The following ANO2 variants were observed in gnomAD, a reference collection of about 807,000 sequenced individuals.
The protein encoded by ANO2 is anoctamin 2.
A neutral mutation model predicts 124.2 loss-of-function variants in ANO2; 101 were observed. That is an observed-to-expected ratio of 0.81 (90% CI 0.69 to 0.96). The LOEUF (loss-of-function observed/expected upper bound fraction) is 0.96, where lower values mean the gene tolerates loss of function less well. Ranked by LOEUF, ANO2 falls within the 40% of genes least tolerant of loss-of-function variation. The pLI is 0.00. For synonymous variants in ANO2, 486 were observed against 482.5 expected (o/e 1.01, Z -0.09); for missense variants, 1,293 against 1,274.5 (o/e 1.01, Z -0.22).
At chr12:5,814,890 G>A (rs1028543476) in intron 7 of ANO2, among the ~76,000 whole-genome samples, 4 of 152,252 alleles carry the variant, frequency 2.6e-5, no homozygotes, top group Non-Finnish European at 4.4e-5. Flanking sequence ...TTCTAGCTGT[G>A]TGTATGCCAG....
intron 10 of ANO2, among the ~76,000 whole-genome samples, chr12:5,792,723 C>T (rs575714623): frequency 1.3e-5 from 2 of 152,302 alleles, no homozygotes; most frequent in African/African-American, 4.8e-5. Context: ...TTTCCTACAG[C>T]CTCACAGCTA....
Position 5,563,234 on chromosome 12 carries a change from G to A in ANO2, c.*65C>T. 6.6e-7 allele frequency: 1 copy of A among 1,522,998 alleles called. No homozygotes were observed. The highest frequency in any genetic ancestry group is 1.2e-5 in the South Asian group (1 of 80,510). The allele number at this position is 1,522,998 out of a possible 1,614,324, so 94.3% of individuals were successfully genotyped here. Reference sequence around the variant, plus strand: ...CAGACAGCACGCCATGTGGGTGTAGGAACATGCTTACGTGCATGTGCGTGT... The same window carrying A: ...CAGACAGCACGCCATGTGGGTGTAGAAACATGCTTACGTGCATGTGCGTGT... On this transcript the variant is annotated 3_prime_UTR_variant, in exon 25 of 25. Transcript: ENST00000682330.
At chr12:5,725,123 A>G (rs1007380989) in intron 14 of ANO2, among the ~76,000 whole-genome samples, 1 of 148,952 alleles carries the variant, frequency 6.7e-6, no homozygotes, top group Non-Finnish European at 1.5e-5. Flanking sequence ...ACACACACAC[A>G]CGCAAACACA....
At chr12:5,802,314 G>A (rs1277438683) in intron 9 of ANO2, among the ~76,000 whole-genome samples, 1 of 152,204 alleles carries the variant, frequency 6.6e-6, no homozygotes. Context: ...AACTATCTGG[G>A]CTTGATACAG....
At chr12:5,879,886 T>C (rs917273975) in intron 3 of ANO2, among the ~76,000 whole-genome samples, 4 of 152,164 alleles carry the variant, frequency 2.6e-5, no homozygotes, top group African/African-American at 9.7e-5. Context: ...TGAAAGATTT[T>C]AATGAGGAAA....
chr12:5,632,941 T>C (rs186488540), intron 16 of ANO2, among the ~76,000 whole-genome samples: 1 of 152,274 alleles, frequency 6.6e-6, no homozygotes, highest in East Asian at 1.9e-4. Context: ...TCACATCCTA[T>C]TTCCCTGCTA....
intron 1 of ANO2, among the ~76,000 whole-genome samples, chr12:5,942,362 A>C (rs1942930847): frequency 6.6e-6 from 1 of 152,262 alleles, no homozygotes; most frequent in Admixed American, 6.5e-5. Flanking sequence ...CGTGATAAAT[A>C]ATACTCATTT....
At chr12:5,612,980 A>C (rs1381632993) in intron 17 of ANO2, 22 bp from the exon 18 acceptor site, 1 of 1,613,186 alleles carries the variant, frequency 6.2e-7, no homozygotes, top group East Asian at 2.2e-5. Flanking sequence ...CAGTGTGGGA[A>C]GAGTTAGGGG....
intron 3 of ANO2, among the ~76,000 whole-genome samples, chr12:5,911,339 T>G (rs1015568143): frequency 1.6e-4 from 24 of 152,152 alleles, no homozygotes; most frequent in African/African-American, 5.5e-4. Flanking sequence ...GCTTTACAGC[T>G]GCTGTGACTG....
intron 10 of ANO2, among the ~76,000 whole-genome samples, chr12:5,782,128 A>T (rs763562062): frequency 5.5e-4 from 84 of 152,332 alleles, no homozygotes; most frequent in Non-Finnish European, 1.1e-3. Flanking sequence ...CTCTGTTATT[A>T]GGTACACACA....
At chr12:5,846,789 T>C (rs1281240160) in intron 4 of ANO2, among the ~76,000 whole-genome samples, 1 of 152,234 alleles carries the variant, frequency 6.6e-6, no homozygotes, top group Non-Finnish European at 1.5e-5. Flanking sequence ...ATACCTGTCA[T>C]TGGATTTAAG....
At chr12:5,877,328 C>A (rs1938176778) in intron 3 of ANO2, among the ~76,000 whole-genome samples, 3 of 152,182 alleles carry the variant, frequency 2.0e-5, no homozygotes, top group Admixed American at 1.3e-4. Context: ...TGTGACGATT[C>A]TCCCTCAGAG....
chr12:5,789,699 T>G (rs1467435652), intron 10 of ANO2, among the ~76,000 whole-genome samples: 1 of 152,202 alleles, frequency 6.6e-6, no homozygotes, highest in Non-Finnish European at 1.5e-5. Flanking sequence ...GTGTATTTTT[T>G]TTCCTTTCTT....
Position 5,594,260 on chromosome 12 carries a change from C to T in ANO2, c.2233+5224G>A, listed in dbSNP as rs550956383. On this transcript the variant is annotated intron_variant, in intron 20 of 24. Transcript: ENST00000682330. ...TGTCCTGGTCTCCAGACTTGCTCCTCCCTCCAGGTGCTTAATAAATGTTTG... is the reference window on the plus strand; with the variant it reads ...TGTCCTGGTCTCCAGACTTGCTCCTTCCTCCAGGTGCTTAATAAATGTTTG... Among the ~76,000 whole-genome samples the T allele has an allele frequency of 9.2e-5, 14 of 152,312 alleles. No individual in the cohort carries two copies. In the South Asian group the frequency reaches 2.3e-3, roughly 25 times the overall value.
At chr12:5,681,528 G>A (rs577403403) in intron 14 of ANO2, among the ~76,000 whole-genome samples, 2 of 152,268 alleles carry the variant, frequency 1.3e-5, no homozygotes, top group South Asian at 4.1e-4. Context: ...AGACTTGATG[G>A]CTGAGAAATC....
chr12:5,767,333 C>T (rs377758106), intron 10 of ANO2, among the ~76,000 whole-genome samples: 1 of 152,196 alleles, frequency 6.6e-6, no homozygotes, highest in East Asian at 1.9e-4. Flanking sequence ...ATCCCAATGA[C>T]AGAAGAAGCC....
chr12:5,708,230 T>A (rs947263850), intron 14 of ANO2, among the ~76,000 whole-genome samples: 1 of 152,210 alleles, frequency 6.6e-6, no homozygotes, highest in Non-Finnish European at 1.5e-5. Context: ...ACTGTCATCA[T>A]CTGCTGATGG....
At chr12:5,932,721 C>T (rs566554935) in intron 1 of ANO2, among the ~76,000 whole-genome samples, 11 of 151,858 alleles carry the variant, frequency 7.2e-5, no homozygotes, top group Non-Finnish European at 1.0e-4. Flanking sequence ...GAAAGTAGAC[C>T]AGTGAGGAAG....
intron 14 of ANO2, among the ~76,000 whole-genome samples, chr12:5,648,746 G>A (rs970144741): frequency 6.6e-6 from 1 of 152,192 alleles, no homozygotes; most frequent in African/African-American, 2.4e-5. Flanking sequence ...ATCTGAAGCC[G>A]TGTTTGGGAA....
Sources: allele counts gnomAD v4.1 joint callset (sites outside exome capture counted in the v4.1 genomes callset), GRCh38; gene constraint gnomAD v4.1.1; transcripts MANE v1.5; gene names NCBI Gene and HGNC (gene_info 2026-07-23, HGNC 2026-07-21).